SKAP2: variants seen among roughly 807,000 people sequenced by gnomAD.
SKAP2 encodes src kinase associated phosphoprotein 2, also known as src kinase-associated phosphoprotein 2.
In SKAP2, 28 loss-of-function variants were observed where a neutral mutation model predicts 54.9. The ratio of observed to expected loss-of-function variants is 0.51; its 90% CI spans 0.38 to 0.70. The LOEUF (loss-of-function observed/expected upper bound fraction) is 0.70. Among genes scored for constraint, SKAP2 ranks in the 30% least tolerant of loss-of-function variants. The pLI is 0.00. For missense variants in SKAP2, 356 were observed against 424.1 expected, an observed-to-expected ratio of 0.84 and a Z score of 1.41; for synonymous variants, 137 against 134.3, an observed-to-expected ratio of 1.02 and a Z score of -0.14.
intron 4 of SKAP2, among the ~76,000 whole-genome samples, chr7:26,764,852 T>G (rs977931763): frequency 6.6e-6 from 1 of 152,208 alleles, no homozygotes; most frequent in Non-Finnish European, 1.5e-5. Context: ...CGCCTGGCTG[T>G]GCCACATTTT....
At chr7:26,735,023 TCC>T (rs993820391) in intron 6 of SKAP2, among the ~76,000 whole-genome samples, 14 of 152,112 alleles carry the variant, frequency 9.2e-5, no homozygotes, top group Non-Finnish European at 1.6e-4. Context: ...TCCTTTGTGA[TCC>T]AAAGATACCT....
intron 4 of SKAP2, among the ~76,000 whole-genome samples, chr7:26,807,344 G>A (rs988974401): frequency 1.3e-5 from 2 of 152,096 alleles, no homozygotes; most frequent in African/African-American, 2.4e-5. Flanking sequence ...TTGGATCATC[G>A]GGGAAGTGGG....
chr7:26,863,076 A>G (rs533316749), intron 1 of SKAP2, among the ~76,000 whole-genome samples: 1 of 152,286 alleles, frequency 6.6e-6, no homozygotes, highest in African/African-American at 2.4e-5. Flanking sequence ...CGTTAATGAC[A>G]ACAAGCATTT....
At chr7:26,864,254 G>A in intron 1 of SKAP2, 109 bp downstream of exon 1, 1 of 1,356,724 alleles carries the variant, frequency 7.4e-7, no homozygotes, top group Non-Finnish European at 1.0e-6. Context: ...TAGAAGACGT[G>A]GGAAGCGCGG....
chr7:26,710,360 T>A (rs1307162389), intron 9 of SKAP2, among the ~76,000 whole-genome samples: 1 of 152,216 alleles, frequency 6.6e-6, no homozygotes, highest in Non-Finnish European at 1.5e-5. Context: ...TTGTAATTAA[T>A]ATTCAAATGA....
At chr7:26,743,711 G>C (rs1782503926) in intron 4 of SKAP2, among the ~76,000 whole-genome samples, 1 of 152,124 alleles carries the variant, frequency 6.6e-6, no homozygotes. Context: ...CAAAATATTA[G>C]ACATTAAAAT....
At chr7:26,722,893 T>C (rs895796904) in intron 9 of SKAP2, among the ~76,000 whole-genome samples, 2 of 152,222 alleles carry the variant, frequency 1.3e-5, no homozygotes, top group Non-Finnish European at 2.9e-5. Context: ...TTTGTATACC[T>C]CATCTTTCAA....
Position 26,739,950 on chromosome 7 carries a change from G to C in SKAP2, c.322C>G (p.Pro108Ala). 6.2e-7 allele frequency: 1 copy of C among 1,609,930 alleles called. No homozygotes were observed. The highest frequency in any genetic ancestry group is 8.5e-7 in the Non-Finnish European group (1 of 1,178,412). The change falls in exon 5 of 13, where the codon CCA becomes GCA. Residue 108 changes from proline (P) to alanine (A), a missense_variant. Coordinates refer to ENST00000345317, the MANE Select transcript of SKAP2 (RefSeq NM_003930.5). ...AAAGGAAGGTCTTGTGCTGCAATTG[G>C]AGGAAACTGGGCTCCTATGAGAAGT... Reference protein sequence around the residue: ...EAPSDGAQFPPIAAQDLPFVL... With the variant: ...EAPSDGAQFPAIAAQDLPFVL...
In SKAP2 at chr7:26,710,859, C is replaced by T. The variant is rs117096102; in HGVS notation, c.796+14569G>A. ...AGGAGGTTTTGAATTCTTTTATATA[C>T]GTTGTCTCAGCATCAGATGAGATGT... On this transcript the variant is annotated intron_variant, in intron 9 of 12. Coordinates refer to ENST00000345317, the MANE Select transcript of SKAP2 (RefSeq NM_003930.5). Among the ~76,000 whole-genome samples, 45 of 152,148 alleles carry T rather than the reference C, an allele frequency of 3.0e-4. No individual in the cohort carries two copies. In the East Asian group the frequency reaches 6.8e-3, roughly 23 times the overall value.
At chr7:26,768,022 AT>A (rs2127973755) in intron 4 of SKAP2, among the ~76,000 whole-genome samples, 1 of 152,184 alleles carries the variant, frequency 6.6e-6, no homozygotes, top group African/African-American at 2.4e-5. Context: ...ATCCTTGTTA[AT>A]TTTCTGTCTT....
chr7:26,785,647 C>G (rs1377499621), intron 4 of SKAP2, among the ~76,000 whole-genome samples: 1 of 152,178 alleles, frequency 6.6e-6, no homozygotes, highest in Non-Finnish European at 1.5e-5. Context: ...ATCCTCCAAA[C>G]TTGACAAATA....
chr7:26,796,577 C>T (rs1409950968), intron 4 of SKAP2, among the ~76,000 whole-genome samples: 2 of 152,168 alleles, frequency 1.3e-5, no homozygotes, highest in Non-Finnish European at 2.9e-5. Context: ...TGATATGTAC[C>T]ATAGATTGAG....
At chr7:26,737,740 G>A (rs1353638577) in intron 6 of SKAP2, among the ~76,000 whole-genome samples, 1 of 152,022 alleles carries the variant, frequency 6.6e-6, no homozygotes, top group African/African-American at 2.4e-5. Flanking sequence ...GTTTTCCCCA[G>A]AATAAAACAA....
intron 4 of SKAP2, among the ~76,000 whole-genome samples, chr7:26,829,434 TTGAGAGGC>T (rs1194177902): frequency 6.6e-6 from 1 of 151,918 alleles, no homozygotes; most frequent in Non-Finnish European, 1.5e-5. Flanking sequence ...TCTCAGCTAC[TTGAGAGGC>T]TGAGTTGAGA....
intron 10 of SKAP2, among the ~76,000 whole-genome samples, chr7:26,687,066 G>T (rs2127938386): frequency 6.6e-6 from 1 of 151,862 alleles, no homozygotes; most frequent in Admixed American, 6.6e-5. Flanking sequence ...TTATTCAATA[G>T]ATTCTCAAAG....
chr7:26,680,997 G>C (rs953842270), intron 11 of SKAP2, among the ~76,000 whole-genome samples: 13 of 151,982 alleles, frequency 8.6e-5, no homozygotes, highest in Admixed American at 2.6e-4. Context: ...ATCACCCCCA[G>C]GTTGACTGAG....
chr7:26,755,132 T>A (rs1188284513), intron 4 of SKAP2, among the ~76,000 whole-genome samples: 1 of 152,204 alleles, frequency 6.6e-6, no homozygotes, highest in Non-Finnish European at 1.5e-5. Flanking sequence ...TCTACCTTAA[T>A]ATTGATAACA....
intron 9 of SKAP2, among the ~76,000 whole-genome samples, chr7:26,712,154 A>AT (rs1370221377): frequency 1.3e-5 from 2 of 152,146 alleles, no homozygotes; most frequent in Admixed American, 6.6e-5. Flanking sequence ...CAAATTTCAG[A>AT]TTTTTTTGAA....
chr7:26,667,572 A>G lies in SKAP2; in HGVS notation c.*2094T>C, dbSNP rs774487079. The G allele has an allele frequency of 6.6e-6, 1 of 152,334 alleles. No homozygotes were observed. Among genetic ancestry groups the G allele is most frequent in the African/African-American group, 2.4e-5 (1 of 41,328 alleles). The allele number at this position is 152,334 out of a possible 1,614,324, so 9.4% of individuals were successfully genotyped here. ...GAGATCTGAACAGAAATAACACCTT[A>G]TTTCTGTATTGTCACTGTTCACGAG... On this transcript the variant is annotated 3_prime_UTR_variant, in exon 13 of 13. Coordinates refer to ENST00000345317, the MANE Select transcript of SKAP2 (RefSeq NM_003930.5).
Sources: allele counts gnomAD v4.1 joint callset (sites outside exome capture counted in the v4.1 genomes callset), GRCh38; gene constraint gnomAD v4.1.1; transcripts MANE v1.5; gene names NCBI Gene and HGNC (gene_info 2026-07-23, HGNC 2026-07-21).